The following CA13 variants were observed in gnomAD, a reference collection of about 807,000 sequenced individuals.
CA13 encodes the protein CA-XIII.
In CA13, 21 loss-of-function variants were observed where a neutral mutation model predicts 31.5. The ratio of observed to expected loss-of-function variants is 0.67; its 90% confidence interval spans 0.47 to 0.96. CA13 has a LOEUF of 0.96. CA13 is among the 40% of genes least tolerant of loss of function. The pLI is 0.00. For synonymous variants in CA13, 117 were observed against 111.4 expected, an observed-to-expected ratio of 1.05 and a Z score of -0.32; for missense variants, 315 against 318.9, an observed-to-expected ratio of 0.99 and a Z score of 0.09.
intron 3 of CA13, among the ~76,000 whole-genome samples, chr8:85,263,195 A>T (rs1464184502): frequency 6.6e-6 from 1 of 152,168 alleles, no homozygotes; most frequent in African/African-American, 2.4e-5. Context: ...GCCTATTAGG[A>T]TTGGAATTAA....
intron 2 of CA13, among the ~76,000 whole-genome samples, chr8:85,252,294 A>G (rs6983252): frequency 0.027 from 4,154 of 152,194 alleles, 187 homozygotes; most frequent in African/African-American, 0.094. Flanking sequence ...TTAAAAGTTG[A>G]ATTGTATTAG....
chr8:85,275,026 T>C (rs1807582636), intron 6 of CA13, among the ~76,000 whole-genome samples: 1 of 152,150 alleles, frequency 6.6e-6, no homozygotes. Context: ...GTTTCACATA[T>C]CCAAAGGAAT....
At chr8:85,263,991 A>C (rs967020833) in intron 3 of CA13, among the ~76,000 whole-genome samples, 1 of 152,204 alleles carries the variant, frequency 6.6e-6, no homozygotes. Flanking sequence ...TGAAAGAAAG[A>C]AAAAAGACAT....
At chr8:85,275,188 C>T (rs1807584955) in intron 6 of CA13, among the ~76,000 whole-genome samples, 1 of 152,098 alleles carries the variant, frequency 6.6e-6, no homozygotes, top group African/African-American at 2.4e-5. Flanking sequence ...TAGAAGGAGA[C>T]CAAGCTCCGT....
At chr8:85,268,678 T>C (rs1205678552) in intron 6 of CA13, 51 bp downstream of exon 6, 8 of 21,836 alleles carry the variant, frequency 3.7e-4, no homozygotes, top group South Asian at 2.3e-3. Flanking sequence ...GAAACTGGGC[T>C]TTTTTTTTTT....
intron 2 of CA13, among the ~76,000 whole-genome samples, chr8:85,256,033 C>CAA (rs35932814): frequency 2.7e-4 from 20 of 73,094 alleles, no homozygotes; most frequent in Admixed American, 4.5e-4. Flanking sequence ...GTTTAAGTTA[C>CAA]AAAAAAAAAA....
chr8:85,271,015 A>G lies in CA13; in HGVS notation c.669+2388A>G, dbSNP rs541749193. Among the ~76,000 whole-genome samples, 123 of 152,354 alleles carry G rather than the reference A, an allele frequency of 8.1e-4. 1 individual carries two copies. The highest frequency in any genetic ancestry group is 9.6e-4 in the Non-Finnish European group (65 of 68,038). The stretch of plus-strand genomic sequence containing the variant: ...TTTGGAGCATTCACTTAAATCTCCT[A>G]TAGTAGGAACACTTTCACGTATTTT... On this transcript the variant is annotated intron_variant, in intron 6 of 6. Transcript: ENST00000321764.
intron 2 of CA13, among the ~76,000 whole-genome samples, chr8:85,257,630 T>C (rs189423990): frequency 6.6e-6 from 1 of 151,082 alleles, no homozygotes; most frequent in Admixed American, 6.6e-5. Flanking sequence ...CTAGGGAGGC[T>C]GATGTGGGAG....
intron 3 of CA13, among the ~76,000 whole-genome samples, chr8:85,261,646 G>A (rs1459664974): frequency 6.6e-6 from 1 of 151,826 alleles, no homozygotes. Flanking sequence ...GGCTGGTCTC[G>A]AACTCCCAAC....
In CA13 at chr8:85,245,597, AAGAG is replaced by A. The variant is rs1813708167; in HGVS notation, c.-228_-225del. 1.8e-6 allele frequency: 1 copy of A among 565,488 alleles called. No homozygotes were observed. Among genetic ancestry groups the A allele is most frequent in the South Asian group, 2.1e-5 (1 of 48,484 alleles). 35.0% of individuals were successfully genotyped at this position (565,488 alleles called of 1,614,324 possible). On this transcript the variant is annotated 5_prime_UTR_variant, in exon 1 of 7. Coordinates refer to ENST00000321764, the MANE Select transcript of CA13 (RefSeq NM_198584.3). Reference sequence around the variant, plus strand: ...AATCTCTCATTCCCGAGTCCAAACTAAGAGAGACTCGCGCCCCAGGAGTCAGCCA... The same window carrying A: ...AATCTCTCATTCCCGAGTCCAAACTAAGACTCGCGCCCCAGGAGTCAGCCA...
chr8:85,248,919 G>A (rs1312713170), intron 1 of CA13, among the ~76,000 whole-genome samples: 1 of 152,088 alleles, frequency 6.6e-6, no homozygotes, highest in African/African-American at 2.4e-5. Flanking sequence ...GAAATAGAAG[G>A]CTTTTTCTGA....
chr8:85,277,921 A>G (rs1359411874), intron 6 of CA13, among the ~76,000 whole-genome samples: 1 of 152,086 alleles, frequency 6.6e-6, no homozygotes, highest in Non-Finnish European at 1.5e-5. Context: ...TGCTGGAGCA[A>G]GTGGCCTTGC....
chr8:85,258,759 CAAAAAAAAAAAAAA>C (rs33933991), intron 2 of CA13, among the ~76,000 whole-genome samples: 2 of 43,478 alleles, frequency 4.6e-5, no homozygotes, highest in Non-Finnish European at 3.6e-5. Context: ...CCTGTCTCTA[CAAAAAAAAAAAAAA>C]AAAAAAAAAA....
chr8:85,267,841 T>C, intron 4 of CA13, 61 bp from the exon 5 acceptor site: 3 of 962,276 alleles, frequency 3.1e-6, no homozygotes, highest in East Asian at 2.5e-5. Flanking sequence ...GTGGCTGAAA[T>C]TGAGTGATTC....
intron 3 of CA13, among the ~76,000 whole-genome samples, chr8:85,260,821 A>G (rs1807367095): frequency 6.6e-6 from 1 of 152,226 alleles, no homozygotes; most frequent in Non-Finnish European, 1.5e-5. Context: ...TAAATGTCCA[A>G]AGCGCCCTCG....
intron 6 of CA13, among the ~76,000 whole-genome samples, chr8:85,269,068 T>G (rs1340667836): frequency 1.3e-5 from 2 of 152,194 alleles, no homozygotes; most frequent in Non-Finnish European, 2.9e-5. Flanking sequence ...AATTTCCAAG[T>G]GAAACTTGAG....
chr8:85,245,807 C>T lies in CA13; in HGVS notation c.-22C>T. The T allele has an allele frequency of 1.2e-6, 2 of 1,613,880 alleles. No homozygotes were observed. The highest frequency in any genetic ancestry group is 1.7e-6 in the Non-Finnish European group (2 of 1,179,798). ...TCTCGCTGCTCAGTCACATCTTTCT[C>T]TTCCTTCCACCCCGAGGGACCATGT... On this transcript the variant is annotated 5_prime_UTR_variant, in exon 1 of 7. Transcript: ENST00000321764.
At position 85,267,395 on chromosome 8, in the gene CA13, C is replaced by T. The variant is rs375122778; in HGVS notation, c.451-507C>T. ...TCACCTGTAATAATGAAAAGAGGAT[C>T]ATTTATGTATCTATAATTTATGATG... On this transcript the variant is annotated intron_variant, in intron 4 of 6. Coordinates refer to ENST00000321764, the MANE Select transcript of CA13 (RefSeq NM_198584.3). 7.2e-4 allele frequency: 433 copies of T among 602,892 alleles called. 8 individuals are homozygous for T. The South Asian group carries it at 0.027, about 38-fold the overall frequency. 37.3% of individuals were successfully genotyped at this position (602,892 alleles called of 1,614,324 possible). A position where few individuals can be genotyped will look rare whatever the true frequency, so the allele number is the denominator to read the frequency against.
intron 1 of CA13, among the ~76,000 whole-genome samples, chr8:85,247,012 A>G (rs1438532309): frequency 6.6e-6 from 1 of 152,158 alleles, no homozygotes; most frequent in Non-Finnish European, 1.5e-5. Flanking sequence ...TTTAATTTCT[A>G]ATTGTAGCCT....
Sources: allele counts gnomAD v4.1 joint callset (sites outside exome capture counted in the v4.1 genomes callset), GRCh38; gene constraint gnomAD v4.1.1; transcripts MANE v1.5; gene names NCBI Gene and HGNC (gene_info 2026-07-23, HGNC 2026-07-21).